The following GRM8 variants were observed in gnomAD, a reference collection of about 807,000 sequenced individuals.
The protein encoded by GRM8 is metabotropic glutamate receptor 8.
GRM8 carries 47 observed loss-of-function variants against 87.2 expected under a neutral mutation model. The observed-to-expected ratio is 0.54, with a 90% confidence interval of 0.43 to 0.69. GRM8 has a LOEUF of 0.69. Ranked by LOEUF, GRM8 falls within the 30% of genes least tolerant of loss-of-function variation. GRM8 has a pLI of 0.00. For missense variants in GRM8, 1,019 were observed against 1,139.2 expected, an observed-to-expected ratio of 0.89 and a Z score of 1.52; for synonymous variants, 396 against 404.5, an observed-to-expected ratio of 0.98 and a Z score of 0.25.
chr7:127,102,563 A>ATATT (rs1825393655), intron 3 of GRM8, among the ~76,000 whole-genome samples: 2 of 152,198 alleles, frequency 1.3e-5, no homozygotes, highest in Non-Finnish European at 2.9e-5. Context: ...AGGGCCCCAG[A>ATATT]TATTGCTCAT....
At chr7:127,094,207 G>C (rs1824427417) in intron 3 of GRM8, among the ~76,000 whole-genome samples, 2 of 152,196 alleles carry the variant, frequency 1.3e-5, no homozygotes, top group South Asian at 4.1e-4. Context: ...TCTAGTGCTG[G>C]AGTTTCCAAA....
At position 126,528,801 on chromosome 7, in the gene GRM8, A is replaced by C. The variant is rs566672709; in HGVS notation, c.2430+4151T>G. 2.0e-5 allele frequency among the ~76,000 whole-genome samples: 3 copies of C among 152,214 alleles called. No individual in the cohort carries two copies. In the South Asian group the frequency reaches 6.2e-4, roughly 32 times the overall value. On this transcript the variant is annotated intron_variant, in intron 9 of 10. Transcript: ENST00000339582. ...AATTTGTATTGTCCAGGGGGAACTC[A>C]TTACCACCTATAGATACATAGCCAC...
At chr7:126,883,169 GTAACTAA>G (rs1473076679) in intron 6 of GRM8, among the ~76,000 whole-genome samples, 1 of 152,170 alleles carries the variant, frequency 6.6e-6, no homozygotes, top group Non-Finnish European at 1.5e-5. Flanking sequence ...AAATAATGAT[GTAACTAA>G]TTTAGGTGTT....
At chr7:126,711,282 A>T (rs1811069523) in intron 7 of GRM8, among the ~76,000 whole-genome samples, 1 of 152,224 alleles carries the variant, frequency 6.6e-6, no homozygotes, top group Non-Finnish European at 1.5e-5. Flanking sequence ...AGTCAAGAAA[A>T]CAACATTAAA....
chr7:126,928,539 G>A (rs527981029), intron 3 of GRM8, among the ~76,000 whole-genome samples: 3 of 152,104 alleles, frequency 2.0e-5, no homozygotes, highest in African/African-American at 7.2e-5. Context: ...GGGTATGGTG[G>A]TTTGCACCTG....
chr7:126,554,799 A>G, intron 8 of GRM8, among the ~76,000 whole-genome samples: 1 of 152,186 alleles, frequency 6.6e-6, no homozygotes, highest in Non-Finnish European at 1.5e-5. Flanking sequence ...TTATTGTCAT[A>G]TATGTTATTT....
intron 9 of GRM8, among the ~76,000 whole-genome samples, chr7:126,526,060 A>AT (rs900141660): frequency 8.6e-5 from 13 of 151,962 alleles, no homozygotes; most frequent in South Asian, 2.1e-4. Flanking sequence ...CAACATAAAA[A>AT]ATATATATAT....
chr7:127,020,560 A>G (rs1816160780), intron 3 of GRM8, among the ~76,000 whole-genome samples: 1 of 152,110 alleles, frequency 6.6e-6, no homozygotes, highest in Non-Finnish European at 1.5e-5. Context: ...CAAAATGTTT[A>G]TAACTCTAGT....
At chr7:126,750,150 T>C (rs1439011078) in intron 7 of GRM8, among the ~76,000 whole-genome samples, 1 of 152,106 alleles carries the variant, frequency 6.6e-6, no homozygotes, top group African/African-American at 2.4e-5. Context: ...AGGTGGGCAA[T>C]GAATGAACTA....
intron 7 of GRM8, among the ~76,000 whole-genome samples, chr7:126,713,999 C>T (rs564890665): frequency 1.9e-4 from 29 of 151,228 alleles, no homozygotes; most frequent in Admixed American, 5.9e-4. Context: ...TGGCTGGGCA[C>T]GGTGGCTCAC....
At chr7:126,822,144 T>C (rs1375400311) in intron 6 of GRM8, among the ~76,000 whole-genome samples, 2 of 152,314 alleles carry the variant, frequency 1.3e-5, no homozygotes, top group East Asian at 3.9e-4. Context: ...AAGTGTTTTG[T>C]AAGAATTATA....
chr7:126,618,515 A>G (rs193105082), intron 7 of GRM8, among the ~76,000 whole-genome samples: 201 of 152,358 alleles, frequency 1.3e-3, no homozygotes, highest in Middle Eastern at 3.4e-3. Context: ...ACAAAAGTCA[A>G]AATTGACAAA....
chr7:127,075,623 T>C (rs1365315810), intron 3 of GRM8, among the ~76,000 whole-genome samples: 1 of 152,128 alleles, frequency 6.6e-6, no homozygotes, highest in Non-Finnish European at 1.5e-5. Flanking sequence ...AATGGGATAA[T>C]GTGGAGGGAG....
intron 3 of GRM8, among the ~76,000 whole-genome samples, chr7:126,908,759 C>G (rs1476665730): frequency 6.6e-6 from 1 of 152,108 alleles, no homozygotes; most frequent in South Asian, 2.1e-4. Context: ...GCTATTCCCA[C>G]ACCTCACCTC....
intron 7 of GRM8, among the ~76,000 whole-genome samples, chr7:126,612,020 G>A: frequency 6.6e-6 from 1 of 152,114 alleles, no homozygotes. Flanking sequence ...ACGCCCCTCT[G>A]TCACTTATTG....
intron 2 of GRM8, among the ~76,000 whole-genome samples, chr7:127,111,825 G>A (rs539650972): frequency 6.8e-4 from 104 of 152,190 alleles, no homozygotes; most frequent in African/African-American, 2.3e-3. Flanking sequence ...TCAGGAGTTC[G>A]AGACCAGCCT....
At chr7:126,749,570 A>C (rs2151536584) in intron 7 of GRM8, among the ~76,000 whole-genome samples, 1 of 150,034 alleles carries the variant, frequency 6.7e-6, no homozygotes, top group East Asian at 1.9e-4. Context: ...AAATATATAT[A>C]ATCATATATT....
At chr7:126,660,178 G>A (rs1057112947) in intron 7 of GRM8, among the ~76,000 whole-genome samples, 4 of 152,134 alleles carry the variant, frequency 2.6e-5, no homozygotes, top group East Asian at 1.9e-4. Context: ...GTTTAAAAGC[G>A]TGGGGACTGG....
At chr7:126,855,943 T>C (rs1380276080) in intron 6 of GRM8, among the ~76,000 whole-genome samples, 2 of 152,182 alleles carry the variant, frequency 1.3e-5, no homozygotes, top group African/African-American at 4.8e-5. Context: ...CCTGGCTTCC[T>C]GATGCCATTT....
Sources: gnomAD v4.1 joint callset for allele counts (sites outside exome capture counted in the v4.1 genomes callset) on GRCh38, gnomAD v4.1.1 for gene constraint, MANE v1.5 for transcripts, NCBI Gene and HGNC (gene_info 2026-07-23, HGNC 2026-07-21) for gene names.